The following ADCY9 variants were observed in gnomAD, a reference collection of about 807,000 sequenced individuals.
ADCY9 encodes adenylate cyclase type 9.
In ADCY9, 50 loss-of-function variants were observed where a neutral mutation model predicts 101.5. That is an observed-to-expected ratio of 0.49 (90% CI 0.39 to 0.62). ADCY9 has a LOEUF of 0.62. ADCY9 is among the 20% of genes least tolerant of loss of function. The pLI is 0.00. For missense variants in ADCY9, 1,662 were observed against 1,800.4 expected, an observed-to-expected ratio of 0.92 and a Z score of 1.39; for synonymous variants, 905 against 769.3, an observed-to-expected ratio of 1.18 and a Z score of -2.92.
At chr16:4,062,763 T>C (rs1270879551) in intron 2 of ADCY9, among the ~76,000 whole-genome samples, 1 of 152,158 alleles carries the variant, frequency 6.6e-6, no homozygotes, top group Non-Finnish European at 1.5e-5. Flanking sequence ...AAAGAAATTT[T>C]GTAACAATAA....
chr16:3,965,772 G>A lies in ADCY9; in HGVS notation c.*3C>T, dbSNP rs538823243. The A allele has an allele frequency of 1.5e-5, 24 of 1,603,752 alleles. No homozygotes were observed. Among genetic ancestry groups the A allele is most frequent in the Admixed American group, 3.4e-5 (2 of 58,674 alleles). On this transcript the variant is annotated 3_prime_UTR_variant, in exon 11 of 11. Transcript: ENST00000294016. ...GCACCTCGGGCAGCGGGTGGGCGCC[G>A]CCTCACACACTCTTTGAAACGTTGA...
chr16:3,986,550 C>T (rs770592478), intron 6 of ADCY9, among the ~76,000 whole-genome samples: 4 of 152,180 alleles, frequency 2.6e-5, no homozygotes, highest in Non-Finnish European at 4.4e-5. Context: ...CTCCGCCTCC[C>T]GGGTTCAGGC....
At chr16:4,085,420 G>A (rs2056931614) in intron 2 of ADCY9, among the ~76,000 whole-genome samples, 1 of 152,186 alleles carries the variant, frequency 6.6e-6, no homozygotes, top group South Asian at 2.1e-4. Flanking sequence ...CCAAGTGTGT[G>A]CACCCAGCCC....
intron 2 of ADCY9, among the ~76,000 whole-genome samples, chr16:4,018,323 C>G (rs1238447307): frequency 6.6e-6 from 1 of 151,502 alleles, no homozygotes; most frequent in Non-Finnish European, 1.5e-5. Flanking sequence ...AAGCAATTCT[C>G]TTCCACAGCC....
At chr16:4,036,645 A>G (rs374600348) in intron 2 of ADCY9, among the ~76,000 whole-genome samples, 1 of 151,902 alleles carries the variant, frequency 6.6e-6, no homozygotes, top group East Asian at 1.9e-4. Context: ...TATTTTTAGT[A>G]GAGAAAGGGT....
rs759474569 is a variant in ADCY9 at position 3,965,875 on chromosome 16, C to G, written c.3962G>C (p.Arg1321Thr). 1 of 1,614,076 alleles carries G rather than the reference C, an allele frequency of 6.2e-7. No individual in the cohort carries two copies. The highest frequency in any genetic ancestry group is 1.7e-5 in the Admixed American group (1 of 60,010). Residue 1321 changes from arginine to threonine, a missense_variant, in exon 11 of 11, where the codon AGG becomes ACG. Arg to Thr is a moderately conservative substitution (Grantham distance 71). Coordinates refer to ENST00000294016, the MANE Select transcript of ADCY9 (RefSeq NM_001116.4). The stretch of plus-strand genomic sequence containing the variant: ...CTCTATGGCTTTGCCAAATCGACCC[C>G]TTTCTTCGGCTTTGACGGGCTCCTT... The part of the protein sequence containing the change: ...PWKEPVKAEE[R>T]GRFGKAIEKD...
At chr16:3,969,070 C>T (rs554356470) in intron 10 of ADCY9, among the ~76,000 whole-genome samples, 5 of 152,158 alleles carry the variant, frequency 3.3e-5, no homozygotes, top group South Asian at 2.1e-4. Context: ...GTGATCCACC[C>T]GCCTCGGCCT....
At chr16:4,040,142 ATT>A (rs2056617049) in intron 2 of ADCY9, among the ~76,000 whole-genome samples, 2 of 152,306 alleles carry the variant, frequency 1.3e-5, no homozygotes, top group Non-Finnish European at 1.5e-5. Context: ...CTAGGCTAAA[ATT>A]TTGGTTTCTG....
chr16:3,961,491 C>G (rs2141664582), downstream of ADCY9, among the ~76,000 whole-genome samples: 1 of 151,956 alleles, frequency 6.6e-6, no homozygotes, highest in East Asian at 1.9e-4. Context: ...TTACAAGACC[C>G]TCAAGGCAGC....
chr16:3,993,613 G>A lies in ADCY9; in HGVS notation c.1885-103C>T, dbSNP rs2056264748. The A allele has an allele frequency of 3.2e-5, 46 of 1,422,600 alleles. 2 individuals carry two copies. In the South Asian group the frequency reaches 5.2e-4, roughly 16 times the overall value. The allele number at this position is 1,422,600 out of a possible 1,614,324, so 88.1% of individuals were successfully genotyped here. A position where few individuals can be genotyped will look rare whatever the true frequency, so the allele number is the denominator to read the frequency against. ...GCCATCTGCCGTCACGCAGCATGGT[G>A]GTGAGCAAGGGGAAGGCACACAGAA... On this transcript the variant is annotated intron_variant, in intron 3 of 10. Coordinates refer to ENST00000294016, the MANE Select transcript of ADCY9 (RefSeq NM_001116.4).
chr16:3,979,267 A>T lies in ADCY9; in HGVS notation c.2528T>A (p.Phe843Tyr), dbSNP rs1186780237. Residue 843 changes from phenylalanine to tyrosine, a missense_variant, in exon 8 of 11, where the codon TTC becomes TAC. Physicochemically the swap from Phe to Tyr is conservative, Grantham distance 22. Around this residue, in one of 5 missense-constraint regions of ADCY9, gnomAD observed 624 missense variants for 639.1 expected, o/e 0.98. Transcript: ENST00000294016. ...GCAGGCCATGACGTCCTCCAGGAAG[A>T]ACACCATCCTGCGAGAGGCATGGGG... Reference protein sequence around the residue: ...LSLAVSIRMVFFLEDVMACTK... With the variant: ...LSLAVSIRMVYFLEDVMACTK... 6.2e-7 allele frequency: 1 copy of T among 1,613,692 alleles called. No individual in the cohort carries two copies. Among genetic ancestry groups the T allele is most frequent in the Admixed American group, 1.7e-5 (1 of 59,990 alleles).
At chr16:3,999,036 C>A (rs1045905627) in intron 3 of ADCY9, among the ~76,000 whole-genome samples, 1 of 152,040 alleles carries the variant, frequency 6.6e-6, no homozygotes, top group African/African-American at 2.4e-5. Flanking sequence ...TTGCCAAGTA[C>A]AGATGCCTCT....
chr16:3,962,648 A>G (rs1463039636), downstream of ADCY9: 1 of 152,186 alleles, frequency 6.6e-6, no homozygotes, highest in East Asian at 1.9e-4. Context: ...ACCAGGCATC[A>G]TATATTTAAA....
At chr16:4,071,769 A>C (rs2056836023) in intron 2 of ADCY9, among the ~76,000 whole-genome samples, 1 of 151,022 alleles carries the variant, frequency 6.6e-6, no homozygotes, top group Admixed American at 6.6e-5. Context: ...TTCTTAACAG[A>C]ATACGTTCTT....
intron 2 of ADCY9, among the ~76,000 whole-genome samples, chr16:4,012,435 G>T (rs12599911): frequency 0.49 from 72,072 of 148,324 alleles, 18,288 homozygotes; most frequent in Non-Finnish European, 0.56. Flanking sequence ...GGACCCTGGG[G>T]TCCAAGTTCA....
At chr16:4,097,481 T>TACACACAC (rs1221883313) in intron 2 of ADCY9, among the ~76,000 whole-genome samples, 5 of 56,214 alleles carry the variant, frequency 8.9e-5, no homozygotes, top group African/African-American at 1.8e-4. Flanking sequence ...TATATATATA[T>TACACACAC]ATATATACAC....
Position 3,963,507 on chromosome 16 carries a change from G to C in ADCY9, c.*2268C>G. ...TTAGGAAGGCTCAGGGTGTTTGAAA[G>C]ACAACGTTAAGCTCTGGGTGAGTCT... is the stretch of plus-strand genomic sequence containing the variant. On this transcript the variant is annotated 3_prime_UTR_variant, in exon 11 of 11. Transcript: ENST00000294016. The C allele has an allele frequency of 2.6e-6, 1 of 389,270 alleles. No homozygotes were observed. The highest frequency in any genetic ancestry group is 4.5e-6 in the Non-Finnish European group (1 of 220,422). The allele number at this position is 389,270 out of a possible 1,614,324, so 24.1% of individuals were successfully genotyped here.
At chr16:4,038,737 C>T (rs1035332566) in intron 2 of ADCY9, among the ~76,000 whole-genome samples, 9 of 152,114 alleles carry the variant, frequency 5.9e-5, no homozygotes, top group Non-Finnish European at 1.3e-4. Flanking sequence ...CCCAACCATC[C>T]AAACCAGAAG....
chr16:3,974,743 A>G lies in ADCY9; in HGVS notation c.2829-33T>C, dbSNP rs1386327547. 3 of 1,567,682 alleles carry G rather than the reference A, an allele frequency of 1.9e-6. No individual in the cohort carries two copies. In the African/African-American group the frequency reaches 4.1e-5, roughly 21 times the overall value. On this transcript the variant is annotated intron_variant, in intron 9 of 10. Coordinates refer to ENST00000294016, the MANE Select transcript of ADCY9 (RefSeq NM_001116.4). Reference sequence around the variant, plus strand: ...TAAAATGCAGAAAAATATTATCATAAAGAGCAAAGAAGGCATTCCACAAGG... The same window carrying G: ...TAAAATGCAGAAAAATATTATCATAGAGAGCAAAGAAGGCATTCCACAAGG...
Sources: allele counts gnomAD v4.1 joint callset (sites outside exome capture counted in the v4.1 genomes callset), GRCh38; gene constraint gnomAD v4.1.1; regional missense constraint gnomAD v4.1.1; transcripts MANE v1.5; gene names NCBI Gene and HGNC (gene_info 2026-07-23, HGNC 2026-07-21).